Variants in AK8 observed in about 807,000 individuals in gnomAD.
AK8 encodes the protein ATP-AMP transphosphorylase 8.
In AK8, 44 loss-of-function variants were observed where a neutral mutation model predicts 54.6. That is an observed-to-expected ratio of 0.81 (90% CI 0.63 to 1.04). The LOEUF is 1.04. Ranked by LOEUF, AK8 falls within the 50% of genes least tolerant of loss-of-function variation. AK8 has a pLI of 0.00. For missense variants in AK8, 555 were observed against 613.6 expected, an observed-to-expected ratio of 0.90 and a Z score of 1.01; for synonymous variants, 239 against 245.6, an observed-to-expected ratio of 0.97 and a Z score of 0.25.
intron 10 of AK8, among the ~76,000 whole-genome samples, chr9:132,795,356 G>A (rs1239766382): frequency 1.3e-5 from 2 of 152,260 alleles, no homozygotes; most frequent in East Asian, 3.9e-4. Flanking sequence ...GGGTGCACTT[G>A]GCTCTTTCCA....
intron 11 of AK8, among the ~76,000 whole-genome samples, chr9:132,757,463 C>T (rs904908627): frequency 1.3e-5 from 2 of 152,240 alleles, no homozygotes; most frequent in Non-Finnish European, 2.9e-5. Flanking sequence ...TGGGGGCCTA[C>T]TGGTTAATCC....
intron 10 of AK8, among the ~76,000 whole-genome samples, chr9:132,806,428 G>C (rs1477091207): frequency 1.3e-5 from 2 of 150,772 alleles, no homozygotes; most frequent in Non-Finnish European, 2.9e-5. Flanking sequence ...AAATTATTTA[G>C]AGAGTCATGC....
At chr9:132,735,614 C>T (rs895530481) in intron 11 of AK8, among the ~76,000 whole-genome samples, 1 of 152,132 alleles carries the variant, frequency 6.6e-6, no homozygotes, top group African/African-American at 2.4e-5. Flanking sequence ...AGCTCTTGCA[C>T]ATTGCTGCTG....
rs548770014 is a variant in AK8 at position 132,869,604 on chromosome 9, C to G, written c.170-2651G>C. On this transcript the variant is annotated intron_variant, in intron 2 of 12. Coordinates refer to ENST00000298545, the MANE Select transcript of AK8 (RefSeq NM_152572.3). ...GGTGGGAGCCAGGGCGGGCATTCAG[C>G]GGCCCTTTCTCTGTTCTAGGCCTGT... Among the ~76,000 whole-genome samples, 4 of 152,374 alleles carry G rather than the reference C, an allele frequency of 2.6e-5. 1 individual carries two copies. The South Asian group carries it at 8.3e-4, about 32-fold the overall frequency.
intron 11 of AK8, among the ~76,000 whole-genome samples, chr9:132,752,281 T>TCA: frequency 6.8e-6 from 1 of 146,696 alleles, no homozygotes. Context: ...AGACGGAGTC[T>TCA]CGCTGTCGCC....
At chr9:132,785,855 T>G (rs534714237) in intron 11 of AK8, among the ~76,000 whole-genome samples, 2 of 152,142 alleles carry the variant, frequency 1.3e-5, no homozygotes, top group African/African-American at 4.8e-5. Flanking sequence ...CTTAGGAACA[T>G]GCAAATGTAA....
chr9:132,747,729 C>G (rs1000323576), intron 11 of AK8, among the ~76,000 whole-genome samples: 41 of 149,452 alleles, frequency 2.7e-4, no homozygotes, highest in African/African-American at 9.8e-4. Context: ...CCATGCCTGG[C>G]CTTACTTTAT....
rs145968598 is a variant in AK8 at position 132,743,867 on chromosome 9, G to C, written c.1122-16333C>G. On this transcript the variant is annotated intron_variant, in intron 11 of 12. Coordinates refer to ENST00000298545, the MANE Select transcript of AK8 (RefSeq NM_152572.3). ...GAGGTGAAGTGTTGCCTCCAGGCTGGACTCCAGGGCCATCTGAATCTAGGA... is the reference window on the plus strand; with the variant it reads ...GAGGTGAAGTGTTGCCTCCAGGCTGCACTCCAGGGCCATCTGAATCTAGGA... 2.3e-4 allele frequency among the ~76,000 whole-genome samples: 35 copies of C among 152,316 alleles called. No individual in the cohort carries two copies. The East Asian group carries it at 6.7e-3, about 29-fold the overall frequency.
At chr9:132,736,935 TAC>T (rs1460408452) in intron 11 of AK8, among the ~76,000 whole-genome samples, 1 of 151,980 alleles carries the variant, frequency 6.6e-6, no homozygotes, top group Non-Finnish European at 1.5e-5. Context: ...GTCAAATTCA[TAC>T]AGACAGAAAG....
intron 11 of AK8, among the ~76,000 whole-genome samples, chr9:132,767,665 C>A (rs752213973): frequency 9.9e-5 from 15 of 152,214 alleles, no homozygotes; most frequent in Admixed American, 6.5e-4. Context: ...CCCATGTTTA[C>A]TGCAGCACTA....
At chr9:132,742,693 A>C (rs994427978) in intron 11 of AK8, among the ~76,000 whole-genome samples, 1 of 151,646 alleles carries the variant, frequency 6.6e-6, no homozygotes, top group African/African-American at 2.4e-5. Context: ...ACTCCTCTTC[A>C]CTCCTGACCC....
At chr9:132,812,456 C>T (rs1363438443) in intron 10 of AK8, among the ~76,000 whole-genome samples, 1 of 58,476 alleles carries the variant, frequency 1.7e-5, no homozygotes, top group Non-Finnish European at 3.7e-5. Flanking sequence ...CCAGGCTGGT[C>T]TCGAATTCTT....
intron 5 of AK8, among the ~76,000 whole-genome samples, chr9:132,849,707 G>A (rs1344432607): frequency 5.9e-5 from 9 of 152,150 alleles, no homozygotes; most frequent in South Asian, 4.1e-4. Context: ...CTACTCCCTC[G>A]CCAGCATGCT....
At chr9:132,845,664 C>T (rs951779698) in intron 5 of AK8, among the ~76,000 whole-genome samples, 1 of 151,922 alleles carries the variant, frequency 6.6e-6, no homozygotes, top group African/African-American at 2.4e-5. Context: ...GCCTGTAATC[C>T]CAGCTACTCA....
rs1173168806 is a variant in AK8, at chr9:132,860,257, G to A, written c.333+3408C>T. The stretch of plus-strand genomic sequence containing the variant: ...GGAGCCATAAGAACACCATCTCCTC[G>A]GCGAGATTTATAACTCTGGCTGGCC... On this transcript the variant is annotated intron_variant, in intron 4 of 12. Transcript: ENST00000298545. This position sits in a 1 kb window ranked among gnomAD's most constrained non-coding sequence, Gnocchi z 4.4. Among the ~76,000 whole-genome samples the A allele has an allele frequency of 7.0e-6, 1 of 143,284 alleles. No homozygotes were observed. Among genetic ancestry groups the A allele is most frequent in the Non-Finnish European group, 1.5e-5 (1 of 66,298 alleles). The allele number at this position is 143,284 out of a possible 152,430, so 94.0% of individuals were successfully genotyped here. A position where few individuals can be genotyped will look rare whatever the true frequency, so the allele number is the denominator to read the frequency against.
intron 10 of AK8, among the ~76,000 whole-genome samples, chr9:132,800,988 G>A (rs906909224): frequency 1.8e-4 from 27 of 149,798 alleles, no homozygotes; most frequent in Admixed American, 1.2e-3. Flanking sequence ...GCAGTGGCGC[G>A]ATTTCGGATC....
At chr9:132,751,646 A>G (rs921881365) in intron 11 of AK8, among the ~76,000 whole-genome samples, 1 of 151,576 alleles carries the variant, frequency 6.6e-6, no homozygotes, top group Non-Finnish European at 1.5e-5. Flanking sequence ...CCCAAGGGCC[A>G]TCAACTTGTG....
intron 5 of AK8, among the ~76,000 whole-genome samples, chr9:132,842,267 A>G (rs1226348978): frequency 1.3e-5 from 2 of 152,360 alleles, no homozygotes; most frequent in Non-Finnish European, 2.9e-5. Context: ...TTTCACTGCC[A>G]CGGTGGTACA....
At chr9:132,822,931 G>C (rs938273692) in intron 9 of AK8, among the ~76,000 whole-genome samples, 1 of 152,080 alleles carries the variant, frequency 6.6e-6, no homozygotes, top group Non-Finnish European at 1.5e-5. Flanking sequence ...CGCTCCAAAG[G>C]ATATAAAAAA....
Sources: gnomAD v4.1 joint callset for allele counts (sites outside exome capture counted in the v4.1 genomes callset) on GRCh38, gnomAD v4.1.1 for gene constraint, Gnocchi (gnomAD v3.1) non-coding constraint, MANE v1.5 for transcripts, NCBI Gene and HGNC (gene_info 2026-07-23, HGNC 2026-07-21) for gene names.